The following COL5A2 variants were observed in gnomAD, a reference collection of about 807,000 sequenced individuals.
COL5A2 encodes the protein collagen type V alpha 2 chain, also known as collagen alpha-2(V) chain.
Under a neutral mutation model 208.2 loss-of-function variants are expected in COL5A2, and 23 were observed. The observed-to-expected ratio is 0.11, with a 90% CI of 0.08 to 0.16. The LOEUF (loss-of-function observed/expected upper bound fraction) is 0.16, where lower values mean the gene tolerates loss of function less well. COL5A2 is among the 10% of genes least tolerant of loss of function. COL5A2 has a pLI of 1.00. For synonymous variants in COL5A2, 625 were observed against 628.5 expected (o/e 0.99, Z 0.08); for missense variants, 1,590 against 1,956.4 (o/e 0.81, Z 3.53).
At chr2:189,164,366 T>C (rs1688425784) in intron 1 of COL5A2, among the ~76,000 whole-genome samples, 1 of 152,176 alleles carries the variant, frequency 6.6e-6, no homozygotes, top group African/African-American at 2.4e-5. Flanking sequence ...TTTTTCTATC[T>C]GTTCTGTTTT....
At chr2:189,195,478 T>C (rs893631752) in intron 1 of COL5A2, among the ~76,000 whole-genome samples, 2 of 152,122 alleles carry the variant, frequency 1.3e-5, no homozygotes, top group South Asian at 2.1e-4. Context: ...AAACTTCATA[T>C]GGAACCAAAA....
the COL5A2 span, among the ~76,000 whole-genome samples, chr2:189,241,198 C>T: frequency 6.6e-6 from 1 of 152,136 alleles, no homozygotes; most frequent in Non-Finnish European, 1.5e-5. Context: ...AGACCATCTT[C>T]CCTTTTTTCC....
intron 1 of COL5A2, among the ~76,000 whole-genome samples, chr2:189,210,638 G>T (rs2105867379): frequency 6.6e-6 from 1 of 152,264 alleles, no homozygotes; most frequent in African/African-American, 2.4e-5. Context: ...TTTCTTTAAT[G>T]TTTAACTTAA....
intron 1 of COL5A2, among the ~76,000 whole-genome samples, chr2:189,187,747 G>C (rs1688870746): frequency 6.6e-6 from 1 of 152,118 alleles, no homozygotes; most frequent in African/African-American, 2.4e-5. Flanking sequence ...GAGGCGGGCA[G>C]ATCACGAGTC....
chr2:189,313,349 A>T, the COL5A2 span, among the ~76,000 whole-genome samples: 1 of 152,194 alleles, frequency 6.6e-6, no homozygotes, highest in Non-Finnish European at 1.5e-5. Flanking sequence ...TTCAAATTTC[A>T]TAAATGAAGG....
chr2:189,430,419 G>A, the COL5A2 span, among the ~76,000 whole-genome samples: 1 of 152,190 alleles, frequency 6.6e-6, no homozygotes, highest in Non-Finnish European at 1.5e-5. Context: ...ACAAGGGGTT[G>A]GGGGATTTCC....
the COL5A2 span, among the ~76,000 whole-genome samples, chr2:189,338,799 T>C: frequency 6.6e-6 from 1 of 151,784 alleles, no homozygotes; most frequent in South Asian, 2.1e-4. Context: ...TTCATTTAAT[T>C]TGCATGTTAA....
upstream of COL5A2, chr2:189,179,937 T>C (rs1688752282): frequency 1.3e-5 from 7 of 520,182 alleles, no homozygotes; most frequent in Non-Finnish European, 2.4e-5. Flanking sequence ...ACTTTCCCTA[T>C]TTCATTTAAC....
intron 1 of COL5A2, among the ~76,000 whole-genome samples, chr2:189,149,811 C>T (rs1688110895): frequency 1.3e-5 from 2 of 152,098 alleles, no homozygotes; most frequent in South Asian, 4.1e-4. Flanking sequence ...CATTAACCTC[C>T]AGAATAAAAA....
At chr2:189,415,870 C>T in the COL5A2 span, among the ~76,000 whole-genome samples, 14 of 152,146 alleles carry the variant, frequency 9.2e-5, no homozygotes, top group Non-Finnish European at 1.6e-4. Context: ...TCGTGTTAGC[C>T]AGGATGGTCT....
At chr2:189,283,410 C>T in the COL5A2 span, among the ~76,000 whole-genome samples, 40 of 151,944 alleles carry the variant, frequency 2.6e-4, no homozygotes, top group Non-Finnish European at 4.9e-4. Context: ...TGGTCTTCCT[C>T]CCAAGAACTC....
intron 1 of COL5A2, among the ~76,000 whole-genome samples, chr2:189,201,630 G>A (rs2105857618): frequency 6.6e-6 from 1 of 152,026 alleles, no homozygotes; most frequent in Admixed American, 6.5e-5. Flanking sequence ...AAAAACCTAA[G>A]AAGGATAAAT....
At chr2:189,101,620 T>C (rs1360400263) in intron 3 of COL5A2, among the ~76,000 whole-genome samples, 1 of 152,118 alleles carries the variant, frequency 6.6e-6, no homozygotes, top group Non-Finnish European at 1.5e-5. Flanking sequence ...CAAATTGTAC[T>C]ACTAAAGATA....
chr2:189,408,224 G>A, the COL5A2 span, among the ~76,000 whole-genome samples: 1 of 152,236 alleles, frequency 6.6e-6, no homozygotes, highest in East Asian at 1.9e-4. Flanking sequence ...CAAAACTTCA[G>A]TAAAAATAAT....
At chr2:189,156,672 T>C (rs1688253110) in intron 1 of COL5A2, among the ~76,000 whole-genome samples, 2 of 152,288 alleles carry the variant, frequency 1.3e-5, no homozygotes, top group South Asian at 4.1e-4. Flanking sequence ...ATTATTTCTC[T>C]ATAGCCAAAA....
At chr2:189,035,590 A>C (rs967944479) in intron 52 of COL5A2, among the ~76,000 whole-genome samples, 1 of 151,946 alleles carries the variant, frequency 6.6e-6, no homozygotes, top group Non-Finnish European at 1.5e-5. Context: ...AATCAAAAAA[A>C]TTTTTCTAGA....
the COL5A2 span, among the ~76,000 whole-genome samples, chr2:189,386,737 G>C: frequency 2.6e-5 from 4 of 151,980 alleles, no homozygotes; most frequent in African/African-American, 9.7e-5. Flanking sequence ...TCATCATCAC[G>C]AACTATCAGA....
chr2:189,150,864 C>T (rs963577238), intron 1 of COL5A2, among the ~76,000 whole-genome samples: 1 of 152,086 alleles, frequency 6.6e-6, no homozygotes, highest in Admixed American at 6.6e-5. Flanking sequence ...AAAGCTCCTG[C>T]TTGGTTACTT....
the COL5A2 span, among the ~76,000 whole-genome samples, chr2:189,275,687 G>A: frequency 2.0e-5 from 3 of 151,774 alleles, no homozygotes; most frequent in Non-Finnish European, 4.4e-5. Context: ...TCCTGACCTC[G>A]TGATCTGCCC....
Sources: allele counts gnomAD v4.1 joint callset (sites outside exome capture counted in the v4.1 genomes callset), GRCh38; gene constraint gnomAD v4.1.1; transcripts MANE v1.5; gene names NCBI Gene and HGNC (gene_info 2026-07-23, HGNC 2026-07-21).